SSBP3: variants seen among roughly 807,000 people sequenced by gnomAD.
The protein encoded by SSBP3 is single-stranded DNA-binding protein 3.
SSBP3 carries 5 observed loss-of-function variants against 69.6 expected under a neutral mutation model. That is an observed-to-expected ratio of 0.07 (90% CI 0.04 to 0.15). The LOEUF (loss-of-function observed/expected upper bound fraction) is 0.15. Among genes scored for constraint, SSBP3 ranks in the 10% least tolerant of loss-of-function variants. The probability of loss-of-function intolerance (pLI) is 1.00; values close to 1 mark genes in which losing one functional copy is unlikely to be tolerated. For missense variants in SSBP3, 312 were observed against 534.0 expected, an observed-to-expected ratio of 0.58 and a Z score of 4.10; for synonymous variants, 196 against 193.4, an observed-to-expected ratio of 1.01 and a Z score of -0.11.
At position 54,259,769 on chromosome 1, in the gene SSBP3, G is replaced by A. The variant is rs534917939; in HGVS notation, c.367-1620C>T. The stretch of plus-strand genomic sequence containing the variant: ...ACAAGAACCCGAGGGCGCCGCCGCT[G>A]TGAGGCCTGGGAGTTTCTTGGCCAA... On this transcript the variant is annotated intron_variant, in intron 5 of 17. Coordinates refer to ENST00000610401, the Ensembl canonical transcript of SSBP3. Among the ~76,000 whole-genome samples, 27 of 152,368 alleles carry A rather than the reference G, an allele frequency of 1.8e-4. 1 individual carries two copies. In the South Asian group the frequency reaches 5.4e-3, roughly 30 times the overall value.
intron 4 of SSBP3, among the ~76,000 whole-genome samples, chr1:54,373,095 G>A (rs1296637913): frequency 2.0e-5 from 3 of 152,148 alleles, no homozygotes; most frequent in South Asian, 2.1e-4. Flanking sequence ...GGTGTCACCC[G>A]CATAACCTCC....
intron 5 of SSBP3, among the ~76,000 whole-genome samples, chr1:54,271,538 G>A (rs1645193724): frequency 6.6e-6 from 1 of 152,204 alleles, no homozygotes; most frequent in African/African-American, 2.4e-5. Context: ...TCACTGCCAG[G>A]ATCACACTGC....
chr1:54,301,395 G>A (rs796787431), intron 4 of SSBP3, among the ~76,000 whole-genome samples: 20 of 152,216 alleles, frequency 1.3e-4, no homozygotes, highest in African/African-American at 4.1e-4. Context: ...TCACTCATCC[G>A]GACTGTGCTG....
chr1:54,317,191 C>T (rs1477036529), intron 4 of SSBP3, among the ~76,000 whole-genome samples: 1 of 152,068 alleles, frequency 6.6e-6, no homozygotes, highest in Non-Finnish European at 1.5e-5. Context: ...GGGAATGATT[C>T]AATAAAGCAT....
rs746933473 is a variant in SSBP3 at position 54,276,608 on chromosome 1, C to CAAAAAAAAAAAAAAAA, written c.366+4814_366+4829dup. Among the ~76,000 whole-genome samples the CAAAAAAAAAAAAAAAA allele has an allele frequency of 2.6e-4, 9 of 35,212 alleles. 1 individual carries two copies. The highest frequency in any genetic ancestry group is 1.3e-3 in the African/African-American group (9 of 6,690). 23.1% of individuals were successfully genotyped at this position (35,212 alleles called of 152,430 possible). On this transcript the variant is annotated intron_variant, in intron 5 of 17. Transcript: ENST00000610401. Reference sequence around the variant, plus strand: ...TGGGTGACAGAGTGAGACTCTGTCTCAAAAAAAAAAAAAAAAAAAAAAAAA... The same window carrying CAAAAAAAAAAAAAAAA: ...TGGGTGACAGAGTGAGACTCTGTCTCAAAAAAAAAAAAAAAAAAAAAAAAAAAAAAAAAAAAAAAAA...
At chr1:54,271,120 G>A (rs1323180993) in intron 5 of SSBP3, among the ~76,000 whole-genome samples, 1 of 152,148 alleles carries the variant, frequency 6.6e-6, no homozygotes, top group African/African-American at 2.4e-5. Context: ...AGATTTCTGA[G>A]TTTCTTCTGA....
intron 4 of SSBP3, among the ~76,000 whole-genome samples, chr1:54,319,900 C>T (rs1646183070): frequency 6.6e-6 from 1 of 152,140 alleles, no homozygotes; most frequent in South Asian, 2.1e-4. Flanking sequence ...ACCACAAAGA[C>T]TAATGCTGGA....
intron 3 of SSBP3, among the ~76,000 whole-genome samples, chr1:54,402,300 C>T (rs1649365111): frequency 1.3e-5 from 2 of 152,178 alleles, no homozygotes; most frequent in Admixed American, 1.3e-4. Context: ...CTCATGGATG[C>T]CCTAGGAGGA....
At chr1:54,352,992 G>T (rs547925268) in intron 4 of SSBP3, among the ~76,000 whole-genome samples, 2 of 152,310 alleles carry the variant, frequency 1.3e-5, no homozygotes, top group African/African-American at 4.8e-5. Flanking sequence ...AGAACTGCAG[G>T]AGAGACAGGA....
Position 54,306,665 on chromosome 1 carries a change from T to C in SSBP3, c.277-25138A>G, listed in dbSNP as rs536607465. 8.5e-5 allele frequency among the ~76,000 whole-genome samples: 13 copies of C among 152,290 alleles called. No individual in the cohort carries two copies. The East Asian group carries it at 2.5e-3, about 29-fold the overall frequency. On this transcript the variant is annotated intron_variant, in intron 4 of 17. Transcript: ENST00000610401. ...GTGCTGAGCGCTTCGTGTGATTGCC[T>C]CTCTTAATCTACCTTTATACCAACC...
chr1:54,399,898 C>A (rs187930808), intron 4 of SSBP3, among the ~76,000 whole-genome samples: 2 of 152,180 alleles, frequency 1.3e-5, no homozygotes, highest in African/African-American at 4.8e-5. Flanking sequence ...TTCATCACTC[C>A]ATCCCTCCTC....
At chr1:54,325,138 C>T (rs918204241) in intron 4 of SSBP3, among the ~76,000 whole-genome samples, 4 of 152,160 alleles carry the variant, frequency 2.6e-5, no homozygotes, top group Non-Finnish European at 4.4e-5. Context: ...ATTTTATAAA[C>T]GGAAAAATGG....
intron 4 of SSBP3, among the ~76,000 whole-genome samples, chr1:54,289,342 T>C (rs757602465): frequency 5.9e-5 from 9 of 151,430 alleles, no homozygotes; most frequent in Admixed American, 1.3e-4. Flanking sequence ...GAAGAGTCTG[T>C]TGGATCTAAC....
intron 13 of SSBP3, 118 bp downstream of exon 13, chr1:54,240,787 G>T: frequency 7.5e-7 from 1 of 1,341,924 alleles, no homozygotes; most frequent in East Asian, 2.3e-5. Flanking sequence ...AAGATGTGCT[G>T]CCCAGGAAGG....
intron 5 of SSBP3, among the ~76,000 whole-genome samples, chr1:54,266,081 G>A (rs1645096930): frequency 6.6e-6 from 1 of 152,232 alleles, no homozygotes; most frequent in South Asian, 2.1e-4. Context: ...AAAACCTAAC[G>A]CATAGCTCCT....
intron 4 of SSBP3, among the ~76,000 whole-genome samples, chr1:54,316,868 G>A (rs1646124641): frequency 6.6e-6 from 1 of 152,102 alleles, no homozygotes; most frequent in South Asian, 2.1e-4. Flanking sequence ...GGTGTCTGGT[G>A]AGGGCTTGAG....
chr1:54,318,162 A>G (rs887076229), intron 4 of SSBP3, among the ~76,000 whole-genome samples: 1 of 152,184 alleles, frequency 6.6e-6, no homozygotes, highest in African/African-American at 2.4e-5. Context: ...GCAAATGAAC[A>G]TGGTTCCAGG....
Position 54,240,972 on chromosome 1 carries a change from C to A in SSBP3, c.802-13G>T, listed in dbSNP as rs773720580. On this transcript the variant is annotated splice_polypyrimidine_tract_variant and intron_variant, in intron 12 of 17. Transcript: ENST00000610401. ...CACCAGGGGGTCCCTAAAGATGAGA[C>A]AAAACTGACATCAGACACCCACGGT... The A allele has an allele frequency of 1.0e-5, 16 of 1,603,788 alleles. No homozygotes were observed. The African/African-American group carries it at 1.2e-4, about 12-fold the overall frequency.
At chr1:54,303,065 T>A (rs1645832004) in intron 4 of SSBP3, among the ~76,000 whole-genome samples, 1 of 152,186 alleles carries the variant, frequency 6.6e-6, no homozygotes, top group Non-Finnish European at 1.5e-5. Flanking sequence ...TATATCCTGA[T>A]ATAATAAAGT....
Sources: gnomAD v4.1 joint callset for allele counts (sites outside exome capture counted in the v4.1 genomes callset) on GRCh38, gnomAD v4.1.1 for gene constraint, MANE v1.5 for transcripts, NCBI Gene and HGNC (gene_info 2026-07-23, HGNC 2026-07-21) for gene names.